Variants in GLG1 observed in about 807,000 individuals in gnomAD.
GLG1 encodes the protein Golgi apparatus protein 1.
GLG1 carries 38 observed loss-of-function variants against 160.5 expected under a neutral mutation model. That is an observed-to-expected ratio of 0.24 (90% confidence interval 0.18 to 0.31). The LOEUF is 0.31. GLG1 is among the 10% of genes least tolerant of loss of function. The pLI is 1.00. For missense variants in GLG1, 1,373 were observed against 1,505.2 expected, an observed-to-expected ratio of 0.91 and a Z score of 1.45; for synonymous variants, 644 against 543.4, an observed-to-expected ratio of 1.19 and a Z score of -2.57.
chr16:74,452,769 G>A lies in GLG1; in HGVS notation c.*398C>T, dbSNP rs1210515856. On this transcript the variant is annotated 3_prime_UTR_variant, in exon 26 of 26. Coordinates refer to ENST00000422840, the MANE Select transcript of GLG1 (RefSeq NM_001145667.2). ...CCCCATTGCCCAAATCAAGCCTGGAGGAGATGCGTTACTATATACATTTTT... is the reference window on the plus strand; with the variant it reads ...CCCCATTGCCCAAATCAAGCCTGGAAGAGATGCGTTACTATATACATTTTT... 3 of 991,650 alleles carry A rather than the reference G, an allele frequency of 3.0e-6. No homozygotes were observed. Among genetic ancestry groups the A allele is most frequent in the Non-Finnish European group, 3.6e-6 (3 of 833,344 alleles). The allele number at this position is 991,650 out of a possible 1,614,324, so 61.4% of individuals were successfully genotyped here.
At chr16:74,548,092 G>C (rs1393600679) in intron 1 of GLG1, among the ~76,000 whole-genome samples, 1 of 152,168 alleles carries the variant, frequency 6.6e-6, no homozygotes, top group Admixed American at 6.6e-5. Flanking sequence ...ACCAAGCCCA[G>C]CTACTATTTT....
chr16:74,583,428 T>C (rs1045634442), intron 1 of GLG1, among the ~76,000 whole-genome samples: 1 of 152,232 alleles, frequency 6.6e-6, no homozygotes, highest in Non-Finnish European at 1.5e-5. Flanking sequence ...TCCCCCAAGC[T>C]GGAGTGCAAT....
rs1194172671 is a variant in GLG1, at chr16:74,450,464, A to G, written c.*2703T>C. ...GCTCTCAAGAGCCAGTCATTGGAAA[A>G]TGCTCCAAGTAAGATGATGAAAGAC... On this transcript the variant is annotated 3_prime_UTR_variant, in exon 26 of 26. Transcript: ENST00000422840. The G allele has an allele frequency of 6.6e-6, 1 of 152,226 alleles. No individual in the cohort carries two copies. Among genetic ancestry groups the G allele is most frequent in the Non-Finnish European group, 1.5e-5 (1 of 68,052 alleles). The allele number at this position is 152,226 out of a possible 1,614,324, so 9.4% of individuals were successfully genotyped here.
chr16:74,458,256 T>C (rs188067284), intron 23 of GLG1: 21 of 369,808 alleles, frequency 5.7e-5, no homozygotes, highest in East Asian at 5.0e-4. Context: ...ATTTGTGTTT[T>C]TGGCATTCCC....
chr16:74,574,551 A>C (rs1232976590), intron 1 of GLG1, among the ~76,000 whole-genome samples: 4 of 152,154 alleles, frequency 2.6e-5, no homozygotes, highest in African/African-American at 9.7e-5. Flanking sequence ...AAAGATTTCC[A>C]AAATAATAAA....
chr16:74,465,534 C>T lies in GLG1; in HGVS notation c.2667+142G>A. On this transcript the variant is annotated intron_variant, in intron 19 of 25. Transcript: ENST00000422840. The stretch of plus-strand genomic sequence containing the variant: ...ATCTGGAGGGGGGCCCAGGAACCCG[C>T]AGGCTCCCAGGGGGTGCTGCTGCTG... 1.3e-5 allele frequency: 10 copies of T among 794,046 alleles called. 1 individual carries two copies. In the South Asian group the frequency reaches 1.7e-4, roughly 14 times the overall value. The allele number at this position is 794,046 out of a possible 1,614,324, so 49.2% of individuals were successfully genotyped here.
Position 74,592,451 on chromosome 16 carries a change from G to A in GLG1, c.438+14206C>T, listed in dbSNP as rs767806831. ...CCGGACTGTTTATATAAATGTTCTTGACCTTATTCCAAAGCTTTATGGAAG... is the reference window on the plus strand; with the variant it reads ...CCGGACTGTTTATATAAATGTTCTTAACCTTATTCCAAAGCTTTATGGAAG... On this transcript the variant is annotated intron_variant, in intron 1 of 25. Coordinates refer to ENST00000422840, the MANE Select transcript of GLG1 (RefSeq NM_001145667.2). 1.5e-4 allele frequency among the ~76,000 whole-genome samples: 23 copies of A among 152,076 alleles called. 1 individual carries two copies. Among genetic ancestry groups the A allele is most frequent in the Non-Finnish European group, 2.5e-4 (17 of 68,008 alleles).
intron 20 of GLG1, 190 bp from the exon 21 acceptor site, chr16:74,462,820 T>G: frequency 1.7e-6 from 1 of 605,918 alleles, no homozygotes; most frequent in Non-Finnish European, 2.9e-6. Flanking sequence ...TGTTAACGAG[T>G]ACTTCTGGAG....
At chr16:74,606,062 C>A (rs1362041653) in intron 1 of GLG1, among the ~76,000 whole-genome samples, 1 of 152,148 alleles carries the variant, frequency 6.6e-6, no homozygotes, top group Non-Finnish European at 1.5e-5. Context: ...CAGCTTCAAA[C>A]GCTTCCCCAA....
chr16:74,546,748 G>C (rs921518751), intron 1 of GLG1, among the ~76,000 whole-genome samples: 1 of 140,336 alleles, frequency 7.1e-6, no homozygotes, highest in Non-Finnish European at 1.5e-5. Flanking sequence ...TGAGGCAGGA[G>C]AATCACTTGA....
At chr16:74,546,576 C>G (rs1248012615) in intron 1 of GLG1, among the ~76,000 whole-genome samples, 1 of 151,804 alleles carries the variant, frequency 6.6e-6, no homozygotes, top group East Asian at 1.9e-4. Flanking sequence ...GTGGCTCACA[C>G]CTGTAACCCC....
chr16:74,451,743 G>T lies in GLG1; in HGVS notation c.*1424C>A. Reference sequence around the variant, plus strand: ...ATCTCATGCCCCAAACTCAACCAAAGGAGTGCCACGCTGAACCATGATGCC... The same window carrying T: ...ATCTCATGCCCCAAACTCAACCAAATGAGTGCCACGCTGAACCATGATGCC... On this transcript the variant is annotated 3_prime_UTR_variant, in exon 26 of 26. Transcript: ENST00000422840. 5.9e-6 allele frequency: 2 copies of T among 340,870 alleles called. No homozygotes were observed. Among genetic ancestry groups the T allele is most frequent in the Non-Finnish European group, 1.1e-5 (2 of 178,798 alleles). The allele number at this position is 340,870 out of a possible 1,614,324, so 21.1% of individuals were successfully genotyped here.
intron 22 of GLG1, chr16:74,461,769 C>G (rs1485751154): frequency 1.6e-5 from 3 of 193,496 alleles, no homozygotes; most frequent in African/African-American, 7.0e-5. Context: ...CCGTGCCCAG[C>G]TGAAAGCACT....
intron 1 of GLG1, among the ~76,000 whole-genome samples, chr16:74,600,064 C>T (rs1012100793): frequency 6.6e-6 from 1 of 151,598 alleles, no homozygotes; most frequent in Non-Finnish European, 1.5e-5. Context: ...AAAAAAACAA[C>T]AGAGAAAGAT....
chr16:74,515,598 T>A (rs912821006), intron 2 of GLG1, among the ~76,000 whole-genome samples: 4 of 151,784 alleles, frequency 2.6e-5, no homozygotes, highest in Non-Finnish European at 5.9e-5. Flanking sequence ...ATATACCTAA[T>A]GTTAAATGAC....
chr16:74,456,456 G>A (rs1162712994), intron 25 of GLG1, 193 bp downstream of exon 25: 7 of 550,696 alleles, frequency 1.3e-5, no homozygotes, highest in South Asian at 2.2e-5. Context: ...CACCGCGCCC[G>A]GCCCTGACCA....
chr16:74,469,641 A>G (rs2015126042), intron 16 of GLG1: 2 of 263,430 alleles, frequency 7.6e-6, no homozygotes, highest in Non-Finnish European at 1.5e-5. Context: ...ATGAGATGAC[A>G]TAACGGGACG....
rs72792704 is a variant in GLG1, at chr16:74,571,126, T to C, written c.438+35531A>G. ...CCGTATTGATTTTTGGACCCAGCCA[T>C]GTGAAGGAGTGAGACAGCAAGCTAG... On this transcript the variant is annotated intron_variant, in intron 1 of 25. Coordinates refer to ENST00000422840, the MANE Select transcript of GLG1 (RefSeq NM_001145667.2). 1.6e-3 allele frequency among the ~76,000 whole-genome samples: 245 copies of C among 152,184 alleles called. 1 individual carries two copies. Among genetic ancestry groups the C allele is most frequent in the Non-Finnish European group, 2.1e-3 (140 of 68,006 alleles).
At chr16:74,540,014 ATATATATATAT>A (rs2017795381) in intron 1 of GLG1, among the ~76,000 whole-genome samples, 1 of 5,750 alleles carries the variant, frequency 1.7e-4, no homozygotes, top group African/African-American at 3.4e-4. Context: ...TATATATTTT[ATATATATATAT>A]TATATATATT....
Sources: gnomAD v4.1 joint callset for allele counts (sites outside exome capture counted in the v4.1 genomes callset) on GRCh38, gnomAD v4.1.1 for gene constraint, MANE v1.5 for transcripts, NCBI Gene and HGNC (gene_info 2026-07-23, HGNC 2026-07-21) for gene names.